The following IQCH variants were observed in gnomAD, a reference collection of about 807,000 sequenced individuals.
The protein encoded by IQCH is IQ domain-containing protein H.
In IQCH, 98 loss-of-function variants were observed where a neutral mutation model predicts 117.0. The observed-to-expected ratio is 0.84, with a 90% CI of 0.71 to 0.99. The LOEUF (loss-of-function observed/expected upper bound fraction) is 0.99, where lower values mean the gene tolerates loss of function less well. Among genes scored for constraint, IQCH ranks in the 50% least tolerant of loss-of-function variants. The pLI is 0.00. For missense variants in IQCH, 1,102 were observed against 1,243.8 expected (o/e 0.89, Z 1.72); for synonymous variants, 412 against 448.2 (o/e 0.92, Z 1.02).
At chr15:67,321,341 T>C (rs929579666) in intron 4 of IQCH, among the ~76,000 whole-genome samples, 1 of 152,176 alleles carries the variant, frequency 6.6e-6, no homozygotes, top group Admixed American at 6.6e-5. Context: ...CCCTTGTCAC[T>C]GCTGCTGCTA....
intron 13 of IQCH, among the ~76,000 whole-genome samples, chr15:67,397,524 A>G (rs1388296316): frequency 1.3e-5 from 2 of 152,240 alleles, no homozygotes; most frequent in African/African-American, 4.8e-5. Flanking sequence ...ATTTTTCCAG[A>G]TAGTGACTAC....
At position 67,393,809 on chromosome 15, in the gene IQCH, G is replaced by A. The variant is rs1191095594; in HGVS notation, c.1633-1482G>A. Among the ~76,000 whole-genome samples, 1 of 152,078 alleles carries A rather than the reference G, an allele frequency of 6.6e-6. No homozygotes were observed. The highest frequency in any genetic ancestry group is 1.9e-4 in the East Asian group (1 of 5,194). On this transcript the variant is annotated intron_variant, in intron 12 of 20. Coordinates refer to ENST00000335894, the MANE Select transcript of IQCH (RefSeq NM_001031715.3). The surrounding 1 kb of genome is among the most constrained non-coding windows in gnomAD (Gnocchi z 5.5). ...TGGGATTACAGGTATGAGCCACGGT[G>A]CCTAGCCTGACTTTATTTTTAAGAG...
intron 16 of IQCH, among the ~76,000 whole-genome samples, chr15:67,444,150 A>C: frequency 6.6e-6 from 1 of 152,216 alleles, no homozygotes; most frequent in Non-Finnish European, 1.5e-5. Context: ...ATGCTTGTTG[A>C]ATTGAGTTGA....
chr15:67,439,174 T>A (rs2082206483), intron 16 of IQCH, among the ~76,000 whole-genome samples: 1 of 152,146 alleles, frequency 6.6e-6, no homozygotes, highest in Admixed American at 6.5e-5. Context: ...CGAGCCTCAA[T>A]CAGTTTAAGA....
At position 67,421,569 on chromosome 15, in the gene IQCH, G is replaced by T; in HGVS notation, c.2497G>T (p.Glu833Ter). The change falls in exon 16 of 21, where the codon GAA (glutamate) becomes TAA (stop). Residue 833 changes from glutamate to a stop codon, truncating the protein, a stop_gained. Transcript: ENST00000335894. LOFTEE classifies it high-confidence loss of function. ...GACTTTTATAGATCCAAGCACCTTGGAACAACAGGTAAGTTGAATGGATGC... is the reference window on the plus strand; with the variant it reads ...GACTTTTATAGATCCAAGCACCTTGTAACAACAGGTAAGTTGAATGGATGC... ...LVTFIDPSTL[E>*]QQVWATGLNL... is the part of the protein sequence containing the mutation. The T allele has an allele frequency of 1.9e-6, 3 of 1,614,028 alleles. No homozygotes were observed. The highest frequency in any genetic ancestry group is 1.1e-5 in the South Asian group (1 of 91,072).
At chr15:67,271,335 A>T (rs954581364) in intron 3 of IQCH, among the ~76,000 whole-genome samples, 2 of 150,910 alleles carry the variant, frequency 1.3e-5, no homozygotes, top group African/African-American at 5.0e-5. Flanking sequence ...AGATTTTTGC[A>T]TCTATATTTA....
intron 16 of IQCH, among the ~76,000 whole-genome samples, chr15:67,440,586 T>A (rs992873148): frequency 1.3e-5 from 2 of 152,150 alleles, no homozygotes; most frequent in Non-Finnish European, 2.9e-5. Flanking sequence ...ATAAATGTGA[T>A]ACACTACATA....
chr15:67,489,036 AT>A (rs749936385), intron 18 of IQCH, among the ~76,000 whole-genome samples: 3,875 of 143,152 alleles, frequency 0.027, 82 homozygotes, highest in African/African-American at 0.063. Flanking sequence ...TACATATATA[AT>A]TTTTTTTTTT....
chr15:67,288,288 T>G (rs1966635722), intron 4 of IQCH, among the ~76,000 whole-genome samples: 1 of 151,640 alleles, frequency 6.6e-6, no homozygotes, highest in African/African-American at 2.4e-5. Context: ...TCAAGTCTGA[T>G]GTTCCTTTGC....
At position 67,455,446 on chromosome 15, in the gene IQCH, TC is replaced by T. The variant is rs2082637756; in HGVS notation, c.2506-9679del. 2.0e-5 allele frequency among the ~76,000 whole-genome samples: 3 copies of T among 152,184 alleles called. No homozygotes were observed. The South Asian group carries it at 6.2e-4, about 32-fold the overall frequency. ...AACTCTAAGGCCATAGCTCAGACAG[TC>T]CATATTTCTTGCCTATATATTCTGC... On this transcript the variant is annotated intron_variant, in intron 16 of 20. Transcript: ENST00000335894.
At chr15:67,298,696 T>C (rs889647146) in intron 4 of IQCH, among the ~76,000 whole-genome samples, 6 of 151,890 alleles carry the variant, frequency 4.0e-5, no homozygotes, top group African/African-American at 1.2e-4. Context: ...TGAAACCCGT[T>C]TCTACTAAAA....
At chr15:67,263,423 A>C (rs1965539501) in intron 3 of IQCH, among the ~76,000 whole-genome samples, 1 of 152,184 alleles carries the variant, frequency 6.6e-6, no homozygotes, top group Admixed American at 6.5e-5. Flanking sequence ...CATTAAAACC[A>C]AGACTACACC....
intron 13 of IQCH, among the ~76,000 whole-genome samples, chr15:67,397,803 A>G (rs1596308530): frequency 6.6e-6 from 1 of 152,354 alleles, no homozygotes; most frequent in South Asian, 2.1e-4. Flanking sequence ...ACATTTGGAA[A>G]TAGCATAAAG....
At chr15:67,264,040 A>G (rs1427631002) in intron 3 of IQCH, among the ~76,000 whole-genome samples, 1 of 152,254 alleles carries the variant, frequency 6.6e-6, no homozygotes, top group Non-Finnish European at 1.5e-5. Flanking sequence ...ACAGTGCACA[A>G]GTCAAGGAAA....
intron 6 of IQCH, among the ~76,000 whole-genome samples, chr15:67,350,246 G>T (rs765608064): frequency 1.3e-5 from 2 of 152,070 alleles, no homozygotes; most frequent in Non-Finnish European, 2.9e-5. Context: ...TGCATTATGC[G>T]AAGTGAAAGA....
At chr15:67,290,867 G>T (rs1966726487) in intron 4 of IQCH, among the ~76,000 whole-genome samples, 1 of 152,122 alleles carries the variant, frequency 6.6e-6, no homozygotes. Flanking sequence ...ATTTAATATA[G>T]TGGCCTTCCT....
At chr15:67,437,989 G>A (rs1389731164) in intron 16 of IQCH, among the ~76,000 whole-genome samples, 1 of 152,102 alleles carries the variant, frequency 6.6e-6, no homozygotes, top group South Asian at 2.1e-4. Flanking sequence ...GAATAATCGA[G>A]GAAAACTTCC....
At position 67,279,415 on chromosome 15, in the gene IQCH, A is replaced by C. The variant is rs1196198976; in HGVS notation, c.290A>C (p.Asp97Ala). ...CTTAGGTTACTTCCAACTGTAATTG[A>C]TCAGAAATCATTTATTTTCCCTCAG... Reference protein sequence around the residue: ...ASKWLLPTVIDQKSFIFPQES... With the variant: ...ASKWLLPTVIAQKSFIFPQES... The change falls in exon 4 of 21, where the codon GAT becomes GCT. Residue 97 changes from aspartate to alanine, a missense_variant. Physicochemically the swap from Asp to Ala is moderately radical, Grantham distance 126. This residue lies in a region of IQCH where 452 missense variants were observed against 449.6 expected (regional missense o/e 1.01). Coordinates refer to ENST00000335894, the MANE Select transcript of IQCH (RefSeq NM_001031715.3). 11 of 1,600,158 alleles carry C rather than the reference A, an allele frequency of 6.9e-6. No homozygotes were observed. The highest frequency in any genetic ancestry group is 9.4e-6 in the Non-Finnish European group (11 of 1,169,012).
intron 4 of IQCH, among the ~76,000 whole-genome samples, chr15:67,280,911 A>G (rs1272133927): frequency 6.6e-6 from 1 of 152,094 alleles, no homozygotes; most frequent in African/African-American, 2.4e-5. Flanking sequence ...CAGTGGCACA[A>G]TCTCGGCTCA....
Sources: allele counts gnomAD v4.1 joint callset (sites outside exome capture counted in the v4.1 genomes callset), GRCh38; gene constraint gnomAD v4.1.1; regional missense constraint gnomAD v4.1.1; non-coding constraint Gnocchi (gnomAD v3.1); transcripts MANE v1.5; gene names NCBI Gene and HGNC (gene_info 2026-07-23, HGNC 2026-07-21).